The following CALCOCO2 variants were observed in gnomAD, a reference collection of about 807,000 sequenced individuals.
CALCOCO2 encodes the protein calcium-binding and coiled-coil domain-containing protein 2.
In CALCOCO2, 42 loss-of-function variants were observed where a neutral mutation model predicts 62.5. The ratio of observed to expected loss-of-function variants is 0.67; its 90% CI spans 0.53 to 0.87. CALCOCO2 has a LOEUF of 0.87. Ranked by LOEUF, CALCOCO2 falls within the 40% of genes least tolerant of loss-of-function variation. The pLI is 0.00. For missense variants in CALCOCO2, 456 were observed against 515.0 expected (o/e 0.89, Z 1.11); for synonymous variants, 167 against 173.0 (o/e 0.97, Z 0.27).
rs1232923767 is a variant in CALCOCO2 at position 48,863,592 on chromosome 17, C to A, written c.*587C>A. ...AAGCATCTTACTCCTGAACCTTAGA[C>A]AGGAAGTATTGTTTCAGTCACAGAA... On this transcript the variant is annotated 3_prime_UTR_variant, in exon 13 of 13. Transcript: ENST00000258947. The A allele has an allele frequency of 6.4e-6, 1 of 155,480 alleles. No individual in the cohort carries two copies. Among genetic ancestry groups the A allele is most frequent in the Non-Finnish European group, 1.4e-5 (1 of 70,064 alleles). The allele number at this position is 155,480 out of a possible 1,614,324, so 9.6% of individuals were successfully genotyped here. A position where few individuals can be genotyped will look rare whatever the true frequency, so the allele number is the denominator to read the frequency against.
chr17:48,858,049 TAG>T (rs2040263826), intron 10 of CALCOCO2, among the ~76,000 whole-genome samples: 1 of 113,672 alleles, frequency 8.8e-6, no homozygotes, highest in Non-Finnish European at 2.0e-5. Flanking sequence ...GAATAGAAAA[TAG>T]AATAGAATAG....
chr17:48,839,198 G>A (rs1289195848), intron 1 of CALCOCO2, among the ~76,000 whole-genome samples: 1 of 151,520 alleles, frequency 6.6e-6, no homozygotes, highest in African/African-American at 2.4e-5. Flanking sequence ...TAGTAGAGAC[G>A]GGGTTTCACC....
chr17:48,857,197 C>A (rs1358097443), intron 10 of CALCOCO2, among the ~76,000 whole-genome samples: 2 of 124,302 alleles, frequency 1.6e-5, no homozygotes, highest in Non-Finnish European at 3.2e-5. Flanking sequence ...TCATCTTTAC[C>A]CTTTTTTTTT....
intron 4 of CALCOCO2, 106 bp downstream of exon 4, chr17:48,848,561 C>A: frequency 9.6e-7 from 1 of 1,043,092 alleles, no homozygotes; most frequent in Non-Finnish European, 1.5e-6. Context: ...TAACGGGTAT[C>A]ATTGGAAAAA....
intron 10 of CALCOCO2, 92 bp from the exon 11 acceptor site, chr17:48,860,222 G>A (rs1252880285): frequency 2.2e-6 from 2 of 920,678 alleles, no homozygotes; most frequent in East Asian, 2.5e-5. Flanking sequence ...ATTGCTAATT[G>A]AGAACTACCT....
chr17:48,848,483 T>G lies in CALCOCO2; in HGVS notation c.417+28T>G, dbSNP rs571526555. On this transcript the variant is annotated intron_variant, in intron 4 of 12. Coordinates refer to ENST00000258947, the MANE Select transcript of CALCOCO2 (RefSeq NM_005831.5). ...TTGTAAAACTTCTCACCTCAATCCC[T>G]TACTGCCATTACGGGTAGCAATATA... 17 of 1,598,296 alleles carry G rather than the reference T, an allele frequency of 1.1e-5. No homozygotes were observed. In the African/African-American group the frequency reaches 2.1e-4, roughly 20 times the overall value.
intron 4 of CALCOCO2, 81 bp from the exon 5 acceptor site, chr17:48,849,171 G>T: frequency 7.3e-7 from 1 of 1,373,538 alleles, no homozygotes; most frequent in Non-Finnish European, 1.0e-6. Flanking sequence ...ATGGGAATCA[G>T]CCAGTCCCTC....
Position 48,841,987 on chromosome 17 carries a change from T to C in CALCOCO2, c.180+100T>C, listed in dbSNP as rs1002795275. 1.7e-4 allele frequency: 144 copies of C among 830,192 alleles called. No individual in the cohort carries two copies. In the African/African-American group the frequency reaches 2.2e-3, roughly 13 times the overall value. 51.4% of individuals were successfully genotyped at this position (830,192 alleles called of 1,614,324 possible). On this transcript the variant is annotated intron_variant, in intron 2 of 12. Transcript: ENST00000258947. ...TGTATTATAAGCATTTTGTATAATA[T>C]GTGTTGGCAGTTTTTAAATTCTAGC...
At chr17:48,852,781 C>T (rs2143638205) in intron 8 of CALCOCO2, 145 bp from the exon 9 acceptor site, 1 of 971,200 alleles carries the variant, frequency 1.0e-6, no homozygotes, top group African/African-American at 1.6e-5. Context: ...TGAGATAGCT[C>T]ATGGCTTTCT....
intron 1 of CALCOCO2, among the ~76,000 whole-genome samples, chr17:48,835,735 CT>C (rs2039881257): frequency 2.7e-5 from 4 of 146,930 alleles, no homozygotes; most frequent in Admixed American, 2.0e-4. Context: ...CTTTTCTTTT[CT>C]TTTCTTTTCT....
At chr17:48,859,765 T>G (rs1295808955) in intron 10 of CALCOCO2, among the ~76,000 whole-genome samples, 1 of 152,190 alleles carries the variant, frequency 6.6e-6, no homozygotes, top group Non-Finnish European at 1.5e-5. Context: ...AAAACTTTTT[T>G]GTATTAATAT....
intron 10 of CALCOCO2, chr17:48,856,639 G>T: frequency 2.2e-6 from 1 of 447,290 alleles, no homozygotes; most frequent in Middle Eastern, 3.3e-4. Context: ...TAAATGCTGT[G>T]CATTCATTCA....
chr17:48,858,045 A>AG (rs1567759449), intron 10 of CALCOCO2, among the ~76,000 whole-genome samples: 731 of 11,124 alleles, frequency 0.066, 129 homozygotes, highest in Middle Eastern at 0.29. Context: ...AATAGAATAG[A>AG]AAATAGAATA....
chr17:48,834,638 A>C (rs1232161660), intron 1 of CALCOCO2, among the ~76,000 whole-genome samples: 1 of 152,162 alleles, frequency 6.6e-6, no homozygotes, highest in Non-Finnish European at 1.5e-5. Flanking sequence ...TTTTGCTCTT[A>C]TATTTCTTCT....
chr17:48,860,947 C>T (rs188707210), intron 11 of CALCOCO2, among the ~76,000 whole-genome samples: 18 of 152,170 alleles, frequency 1.2e-4, no homozygotes, highest in African/African-American at 4.3e-4. Flanking sequence ...AAACAGGGAG[C>T]TTTTCTCATT....
chr17:48,862,249 G>T, intron 11 of CALCOCO2, 27 bp from the exon 12 acceptor site: 2 of 1,493,134 alleles, frequency 1.3e-6, no homozygotes, highest in African/African-American at 2.8e-5. Flanking sequence ...TTTTCTCATT[G>T]AATGAGATCT....
At chr17:48,846,119 TA>T in intron 2 of CALCOCO2, 1 of 1,089,154 alleles carries the variant, frequency 9.2e-7, no homozygotes, top group Admixed American at 2.7e-5. Flanking sequence ...TAACTCTTTT[TA>T]TTTTTTATTT....
At chr17:48,857,253 G>A (rs1165191180) in intron 10 of CALCOCO2, among the ~76,000 whole-genome samples, 2 of 145,468 alleles carry the variant, frequency 1.4e-5, no homozygotes, top group South Asian at 2.2e-4. Context: ...GCTGGAGTGC[G>A]ATGGCACGAT....
intron 11 of CALCOCO2, among the ~76,000 whole-genome samples, chr17:48,861,239 A>C (rs2040322011): frequency 6.6e-6 from 1 of 151,872 alleles, no homozygotes; most frequent in Non-Finnish European, 1.5e-5. Context: ...ATAGTAGTGG[A>C]CTTGGCTCAC....
Sources: gnomAD v4.1 joint callset for allele counts (sites outside exome capture counted in the v4.1 genomes callset) on GRCh38, gnomAD v4.1.1 for gene constraint, MANE v1.5 for transcripts, NCBI Gene and HGNC (gene_info 2026-07-23, HGNC 2026-07-21) for gene names.